The following CHL1 variants were observed in gnomAD, a reference collection of about 807,000 sequenced individuals.
CHL1 encodes the protein neural cell adhesion molecule L1-like protein.
Under a neutral mutation model 141.9 loss-of-function variants are expected in CHL1, and 96 were observed. The ratio of observed to expected loss-of-function variants is 0.68; its 90% confidence interval spans 0.57 to 0.80. The LOEUF is 0.80. CHL1 is among the 30% of genes least tolerant of loss of function. The pLI is 0.00. For missense variants in CHL1, 1,820 were observed against 1,457.2 expected (o/e 1.25, Z -4.05); for synonymous variants, 613 against 502.2 (o/e 1.22, Z -2.95).
intron 15 of CHL1, among the ~76,000 whole-genome samples, chr3:367,195 G>A (rs181571644): frequency 2.0e-3 from 298 of 152,314 alleles, no homozygotes; most frequent in Middle Eastern, 3.4e-3. Context: ...TCAGCTTCGC[G>A]TCCTTTTGCA....
intron 5 of CHL1, among the ~76,000 whole-genome samples, chr3:330,127 T>G (rs1701322638): frequency 6.6e-6 from 1 of 152,064 alleles, no homozygotes; most frequent in Non-Finnish European, 1.5e-5. Flanking sequence ...TGATGATATA[T>G]TGGGCTATGA....
chr3:296,149 A>T (rs1029368900), intron 2 of CHL1, among the ~76,000 whole-genome samples: 1 of 152,126 alleles, frequency 6.6e-6, no homozygotes, highest in Non-Finnish European at 1.5e-5. Context: ...GCATCAGCTG[A>T]AACTTCATTT....
Position 344,705 on chromosome 3 carries a change from G to T in CHL1, c.844G>T (p.Gly282Cys). Residue 282 changes from glycine to cysteine, a missense_variant, in exon 9 of 28, where the codon GGC becomes TGC. Physicochemically the swap from Gly to Cys is radical, Grantham distance 159. Transcript: ENST00000256509. ...CTTGCTGCTTGAGTGTTTTGCTGAA[G>T]GCTTGTGAGTAACCTGACTCTCACT... ...EILLLECFAE[G>C]LPTPQVDWNK... 1.2e-6 allele frequency: 2 copies of T among 1,613,490 alleles called. No homozygotes were observed. The highest frequency in any genetic ancestry group is 1.7e-6 in the Non-Finnish European group (2 of 1,179,730).
intron 2 of CHL1, among the ~76,000 whole-genome samples, chr3:304,896 C>G (rs1025738632): frequency 1.3e-5 from 2 of 152,078 alleles, no homozygotes; most frequent in African/African-American, 4.8e-5. Flanking sequence ...AAATTTCCCT[C>G]TAAACACTGC....
chr3:208,986 C>A (rs530653377), intron 1 of CHL1, among the ~76,000 whole-genome samples: 2 of 152,248 alleles, frequency 1.3e-5, no homozygotes, highest in African/African-American at 4.8e-5. Flanking sequence ...GATGCTATTT[C>A]AGTACTGCAA....
chr3:387,049 A>AT (rs1707791897), intron 19 of CHL1, among the ~76,000 whole-genome samples: 1 of 152,214 alleles, frequency 6.6e-6, no homozygotes. Context: ...ATGTTCAACA[A>AT]TTTTTTAAAA....
intron 1 of CHL1, among the ~76,000 whole-genome samples, chr3:237,505 T>A (rs1692111266): frequency 6.6e-6 from 1 of 152,208 alleles, no homozygotes; most frequent in Non-Finnish European, 1.5e-5. Context: ...GACTGAGGTA[T>A]AATCAGTATG....
At chr3:200,818 T>C (rs917675312) in intron 1 of CHL1, among the ~76,000 whole-genome samples, 3 of 152,240 alleles carry the variant, frequency 2.0e-5, no homozygotes, top group African/African-American at 7.2e-5. Flanking sequence ...ATTCTCAATT[T>C]AATTAGATAT....
chr3:375,034 C>T (rs777652808), intron 15 of CHL1, among the ~76,000 whole-genome samples: 3 of 151,990 alleles, frequency 2.0e-5, no homozygotes, highest in Non-Finnish European at 2.9e-5. Flanking sequence ...ATTAGACCTA[C>T]GGGGCTTCAT....
chr3:222,669 A>G (rs1177994872), intron 1 of CHL1, among the ~76,000 whole-genome samples: 2 of 152,216 alleles, frequency 1.3e-5, no homozygotes, highest in Non-Finnish European at 2.9e-5. Context: ...AGGCTGTGCC[A>G]GTTCTGAATA....
intron 2 of CHL1, among the ~76,000 whole-genome samples, chr3:299,610 T>C (rs1698531195): frequency 6.6e-6 from 1 of 152,214 alleles, no homozygotes; most frequent in South Asian, 2.1e-4. Context: ...CTTGATTTTA[T>C]AAATAAGAAT....
intron 2 of CHL1, among the ~76,000 whole-genome samples, chr3:281,174 A>G (rs528789935): frequency 1.3e-4 from 20 of 152,336 alleles, no homozygotes; most frequent in African/African-American, 4.3e-4. Context: ...TCAGTTGGAA[A>G]TTTCAAGGGC....
intron 2 of CHL1, among the ~76,000 whole-genome samples, chr3:288,228 A>T (rs1697348058): frequency 6.6e-6 from 1 of 152,184 alleles, no homozygotes; most frequent in Non-Finnish European, 1.5e-5. Flanking sequence ...CTACTTTAAG[A>T]TTTTACCTTC....
chr3:258,222 G>C (rs990891027), intron 2 of CHL1, among the ~76,000 whole-genome samples: 1 of 152,236 alleles, frequency 6.6e-6, no homozygotes, highest in African/African-American at 2.4e-5. Context: ...CAGATTAAGA[G>C]AGAATATTGT....
At chr3:401,844 C>T (rs759677559) in intron 27 of CHL1, 146 bp downstream of exon 27, 5 of 510,270 alleles carry the variant, frequency 9.8e-6, no homozygotes, top group African/African-American at 4.1e-5. Context: ...AAATAGGGCC[C>T]ACTTAAGTGC....
intron 1 of CHL1, among the ~76,000 whole-genome samples, chr3:203,523 TA>T (rs1699138186): frequency 6.6e-6 from 1 of 152,190 alleles, no homozygotes; most frequent in African/African-American, 2.4e-5. Flanking sequence ...TAAGGGACCT[TA>T]AAGACGGGCC....
chr3:289,658 T>G (rs1392631862), intron 2 of CHL1, among the ~76,000 whole-genome samples: 1 of 152,098 alleles, frequency 6.6e-6, no homozygotes, highest in Non-Finnish European at 1.5e-5. Context: ...TTCTGTTTAA[T>G]GATATCTTAT....
chr3:201,991 A>T (rs1001887652), intron 1 of CHL1, among the ~76,000 whole-genome samples: 1 of 152,180 alleles, frequency 6.6e-6, no homozygotes, highest in African/African-American at 2.4e-5. Flanking sequence ...TAAACTCTTA[A>T]AGTGTCTGGC....
intron 7 of CHL1, 76 bp downstream of exon 7, chr3:342,158 C>G (rs1227499813): frequency 7.4e-7 from 1 of 1,353,128 alleles, no homozygotes; most frequent in Admixed American, 2.0e-5. Flanking sequence ...TGGCTGAAGC[C>G]ATTTAAAGCT....
Sources: gnomAD v4.1 joint callset for allele counts (sites outside exome capture counted in the v4.1 genomes callset) on GRCh38, gnomAD v4.1.1 for gene constraint, MANE v1.5 for transcripts, NCBI Gene and HGNC (gene_info 2026-07-23, HGNC 2026-07-21) for gene names.